Variants in TMC1 observed in about 807,000 individuals in gnomAD.
The protein encoded by TMC1 is transmembrane channel-like protein 1.
A neutral mutation model predicts 105.8 loss-of-function variants in TMC1; 84 were observed. The observed-to-expected ratio is 0.79, with a 90% CI of 0.67 to 0.95. The LOEUF (loss-of-function observed/expected upper bound fraction) is 0.95, where lower values mean the gene tolerates loss of function less well. Among genes scored for constraint, TMC1 ranks in the 40% least tolerant of loss-of-function variants. TMC1 has a pLI of 0.00. For missense variants in TMC1, 817 were observed against 914.1 expected, an observed-to-expected ratio of 0.89 and a Z score of 1.37; for synonymous variants, 315 against 311.5, an observed-to-expected ratio of 1.01 and a Z score of -0.12.
chr9:72,648,347 G>T (rs1825747568), intron 4 of TMC1, among the ~76,000 whole-genome samples: 1 of 152,172 alleles, frequency 6.6e-6, no homozygotes, highest in Admixed American at 6.5e-5. Context: ...AGCCAGCTTT[G>T]CTCTGAATAG....
chr9:72,531,615 G>C (rs957806938), intron 1 of TMC1, among the ~76,000 whole-genome samples: 1 of 152,162 alleles, frequency 6.6e-6, no homozygotes, highest in Non-Finnish European at 1.5e-5. Flanking sequence ...AAAATATTCT[G>C]CTGCTCTCAC....
At chr9:72,609,176 C>CT (rs1234393232) in intron 2 of TMC1, among the ~76,000 whole-genome samples, 6 of 136,996 alleles carry the variant, frequency 4.4e-5, no homozygotes, top group Admixed American at 1.6e-4. Context: ...TCGCTTCCTC[C>CT]TTCCCTTCCT....
At chr9:72,812,602 G>C (rs1215209458) in intron 18 of TMC1, among the ~76,000 whole-genome samples, 1 of 152,198 alleles carries the variant, frequency 6.6e-6, no homozygotes, top group Non-Finnish European at 1.5e-5. Context: ...GTAGATCTGA[G>C]GCCAGGCCCG....
intron 8 of TMC1, among the ~76,000 whole-genome samples, chr9:72,719,314 A>G (rs1284865107): frequency 6.6e-6 from 1 of 152,108 alleles, no homozygotes; most frequent in Non-Finnish European, 1.5e-5. Context: ...CTCCTGTGAG[A>G]CAAGTCAGAA....
chr9:72,734,138 C>T (rs1468453610), intron 8 of TMC1, among the ~76,000 whole-genome samples: 1 of 152,204 alleles, frequency 6.6e-6, no homozygotes, highest in Non-Finnish European at 1.5e-5. Flanking sequence ...GAGATTTCAT[C>T]ATGCTACTCA....
At chr9:72,700,450 G>T (rs1024569407) in intron 7 of TMC1, 68 bp from the exon 8 acceptor site, 7 of 1,346,182 alleles carry the variant, frequency 5.2e-6, no homozygotes, top group Non-Finnish European at 7.1e-6. Context: ...TCTGATACCT[G>T]CCTTCCTTAA....
Position 72,552,251 on chromosome 9 carries a change from ACTC to A in TMC1, c.-427-25648_-427-25646del, listed in dbSNP as rs534493140. ...GGGAGCTCTTCCACAGAACAAATGA[ACTC>A]CTGAAGATGAGCTGCTACAAGGATT... On this transcript the variant is annotated intron_variant, in intron 1 of 23. Coordinates refer to ENST00000297784, the MANE Select transcript of TMC1 (RefSeq NM_138691.3). 4.6e-5 allele frequency among the ~76,000 whole-genome samples: 7 copies of A among 151,984 alleles called. No homozygotes were observed. The South Asian group carries it at 1.5e-3, about 32-fold the overall frequency.
chr9:72,761,841 T>C (rs937413026), intron 12 of TMC1, among the ~76,000 whole-genome samples: 5 of 152,234 alleles, frequency 3.3e-5, no homozygotes, highest in African/African-American at 1.2e-4. Context: ...CTTATTGCAC[T>C]GGACACAGGT....
Position 72,830,431 on chromosome 9 carries a change from T to G in TMC1, c.2130-20T>G. Reference sequence around the variant, plus strand: ...AACTGAAATATACCTTACACTGTATTTTTTTTCTTTTTAATTTAGTTTGGC... The same window carrying G: ...AACTGAAATATACCTTACACTGTATGTTTTTTCTTTTTAATTTAGTTTGGC... On this transcript the variant is annotated intron_variant, in intron 21 of 23. Coordinates refer to ENST00000297784, the MANE Select transcript of TMC1 (RefSeq NM_138691.3). 6.4e-7 allele frequency: 1 copy of G among 1,574,262 alleles called. No individual in the cohort carries two copies. The highest frequency in any genetic ancestry group is 1.1e-5 in the South Asian group (1 of 90,204).
At chr9:72,628,933 C>G (rs1825400285) in intron 4 of TMC1, among the ~76,000 whole-genome samples, 2 of 151,858 alleles carry the variant, frequency 1.3e-5, no homozygotes, top group Admixed American at 1.3e-4. Flanking sequence ...CTTGATGATG[C>G]AAAGAAAAAT....
Position 72,685,100 on chromosome 9 carries a change from C to CTTTT in TMC1, c.17-3588_17-3585dup, listed in dbSNP as rs71359515. 5.9e-3 allele frequency among the ~76,000 whole-genome samples: 538 copies of CTTTT among 90,994 alleles called. 4 individuals are homozygous for CTTTT. The highest frequency in any genetic ancestry group is 0.017 in the Middle Eastern group (2 of 116). 59.7% of individuals were successfully genotyped at this position (90,994 alleles called of 152,430 possible). ...CAAACCTTACTGTTATAAAGTCATT[C>CTTTT]TTTTTTTTTTTTTTTTTTTTTTTTG... On this transcript the variant is annotated intron_variant, in intron 5 of 23. Coordinates refer to ENST00000297784, the MANE Select transcript of TMC1 (RefSeq NM_138691.3).
chr9:72,613,676 G>A (rs1825073792), intron 2 of TMC1, among the ~76,000 whole-genome samples: 1 of 152,078 alleles, frequency 6.6e-6, no homozygotes, highest in Non-Finnish European at 1.5e-5. Context: ...GTGGGTGGTG[G>A]GTGCTGTGGG....
rs890529621 is a variant in TMC1 at position 72,754,827 on chromosome 9, C to T, written c.684C>T (p.Thr228=). 1.2e-5 allele frequency: 20 copies of T among 1,613,948 alleles called. No homozygotes were observed. Among genetic ancestry groups the T allele is most frequent in the South Asian group, 2.2e-5 (2 of 91,074 alleles). ...CATATGGCAGTTTACCTAGGAAAAC[C>T]GTTCCCAGAGCCGAAGAGGCATCGG... The part of the protein sequence containing the change: ...GLPYGSLPRK[T]VPRAEEASAA... Residue 228 remains threonine, a synonymous_variant, in exon 12 of 24, where the codon ACC becomes ACT. Transcript: ENST00000297784.
chr9:72,605,701 A>C (rs7862992), intron 2 of TMC1, among the ~76,000 whole-genome samples: 1 of 150,702 alleles, frequency 6.6e-6, no homozygotes, highest in African/African-American at 2.4e-5. Context: ...TCAGCCTCCC[A>C]AGTAGCTGGG....
At chr9:72,758,751 C>T (rs182129523) in intron 12 of TMC1, among the ~76,000 whole-genome samples, 4 of 152,212 alleles carry the variant, frequency 2.6e-5, no homozygotes, top group African/African-American at 4.8e-5. Context: ...GTTAACCAGA[C>T]GTTTCTCAGA....
At chr9:72,783,080 C>T (rs1028842011) in intron 13 of TMC1, among the ~76,000 whole-genome samples, 1 of 152,136 alleles carries the variant, frequency 6.6e-6, no homozygotes, top group African/African-American at 2.4e-5. Context: ...ACTAAAATCT[C>T]ATGATACTGA....
At chr9:72,757,868 C>T (rs554980851) in intron 12 of TMC1, among the ~76,000 whole-genome samples, 7 of 152,040 alleles carry the variant, frequency 4.6e-5, no homozygotes, top group Admixed American at 2.0e-4. Flanking sequence ...ATTAGGAAAC[C>T]GAATTGGGAT....
intron 1 of TMC1, among the ~76,000 whole-genome samples, chr9:72,549,682 C>G (rs1823828636): frequency 6.7e-6 from 1 of 150,198 alleles, no homozygotes; most frequent in African/African-American, 2.5e-5. Flanking sequence ...ATGATCTTGG[C>G]TCACTGCAAC....
At chr9:72,708,350 AGGTAGTAT>A (rs1826778889) in intron 8 of TMC1, among the ~76,000 whole-genome samples, 1 of 152,112 alleles carries the variant, frequency 6.6e-6, no homozygotes, top group African/African-American at 2.4e-5. Context: ...AGATTACTTT[AGGTAGTAT>A]GGTCATTTTC....
Sources: gnomAD v4.1 joint callset for allele counts (sites outside exome capture counted in the v4.1 genomes callset) on GRCh38, gnomAD v4.1.1 for gene constraint, MANE v1.5 for transcripts, NCBI Gene and HGNC (gene_info 2026-07-23, HGNC 2026-07-21) for gene names.